GK5: variants seen among roughly 807,000 people sequenced by gnomAD.
GK5 encodes glycerol kinase 5.
Under a neutral mutation model 77.3 loss-of-function variants are expected in GK5, and 39 were observed. That is an observed-to-expected ratio of 0.50 (90% CI 0.39 to 0.66). The LOEUF (loss-of-function observed/expected upper bound fraction) is 0.66. Among genes scored for constraint, GK5 ranks in the 30% least tolerant of loss-of-function variants. GK5 has a pLI of 0.00. For synonymous variants in GK5, 211 were observed against 208.0 expected (o/e 1.01, Z -0.13); for missense variants, 487 against 633.8 (o/e 0.77, Z 2.49).
intron 15 of GK5, among the ~76,000 whole-genome samples, chr3:142,166,612 CA>C (rs1457348955): frequency 6.6e-6 from 1 of 151,892 alleles, no homozygotes; most frequent in African/African-American, 2.4e-5. Context: ...CAGCTCACTG[CA>C]ACCTCCACCT....
chr3:142,183,578 C>G (rs2107775455), intron 9 of GK5: 1 of 152,690 alleles, frequency 6.5e-6, no homozygotes, highest in South Asian at 2.1e-4. Flanking sequence ...TCATGCCATT[C>G]TCCTGCCTCA....
chr3:142,182,952 G>A lies in GK5; in HGVS notation c.914C>T (p.Thr305Ile), dbSNP rs767700276. Residue 305 changes from threonine to isoleucine, a missense_variant, in exon 10 of 16, where the codon ACT becomes ATT. Physicochemically the swap from Thr to Ile is moderately conservative, Grantham distance 89. Around this residue, in one of 4 missense-constraint regions of GK5, gnomAD observed 323 missense variants for 437.4 expected, o/e 0.74. Transcript: ENST00000392993. ...AGTAGTCTGTTGAAGGCTATTTCCA[G>A]TGTTAATATCCAAAAATGTCCCAGT... ...MGTGTFLDIN[T>I]GNSLQQTTGG... 13 of 1,610,804 alleles carry A rather than the reference G, an allele frequency of 8.1e-6. No individual in the cohort carries two copies. Among genetic ancestry groups the A allele is most frequent in the African/African-American group, 2.7e-5 (2 of 74,840 alleles).
At chr3:142,182,520 T>C (rs2063711157) in intron 10 of GK5, among the ~76,000 whole-genome samples, 1 of 152,112 alleles carries the variant, frequency 6.6e-6, no homozygotes, top group Non-Finnish European at 1.5e-5. Context: ...CTAATTTTTT[T>C]GTATTTTTAG....
intron 2 of GK5, among the ~76,000 whole-genome samples, chr3:142,213,828 T>A (rs1046215015): frequency 1.3e-5 from 2 of 152,180 alleles, no homozygotes; most frequent in African/African-American, 2.4e-5. Flanking sequence ...TTTGTTTTTG[T>A]GTTTTTTGTT....
intron 15 of GK5, among the ~76,000 whole-genome samples, chr3:142,166,920 GTCTA>G (rs2063478716): frequency 6.6e-6 from 1 of 152,098 alleles, no homozygotes; most frequent in Non-Finnish European, 1.5e-5. Context: ...CTACTGAGAG[GTCTA>G]TCACACCTCT....
intron 6 of GK5, 117 bp from the exon 7 acceptor site, chr3:142,186,630 C>CTTTTTCTTTTTCT: frequency 3.8e-6 from 1 of 262,060 alleles, no homozygotes; most frequent in Non-Finnish European, 7.1e-6. Context: ...TGTGTATTTT[C>CTTTTTCTTTTTCT]TTTTTTTTTT....
intron 2 of GK5, among the ~76,000 whole-genome samples, chr3:142,215,121 A>C (rs956463345): frequency 1.3e-5 from 2 of 152,218 alleles, no homozygotes; most frequent in African/African-American, 4.8e-5. Flanking sequence ...ATGTTTAAGA[A>C]TGTTTCTAAC....
At position 142,165,721 on chromosome 3, in the gene GK5, C is replaced by G; in HGVS notation, c.1491G>C (p.Val497=). ...EELKKLRQSE[V]VFKPQKKCQE... ...GACATTTCTTCTGTGGCTTGAAAAC[C>G]ACTTCACTTTGTCTCAGTTTCTTTA... Residue 497 remains valine (V), a synonymous_variant, in exon 16 of 16, where the codon GTG becomes GTC. Transcript: ENST00000392993. 1 of 1,612,804 alleles carries G rather than the reference C, an allele frequency of 6.2e-7. No homozygotes were observed. Among genetic ancestry groups the G allele is most frequent in the Non-Finnish European group, 8.5e-7 (1 of 1,179,258 alleles).
intron 9 of GK5, chr3:142,185,182 G>T: frequency 1.2e-6 from 1 of 860,550 alleles, no homozygotes; most frequent in Non-Finnish European, 1.4e-6. Context: ...GGAGGCAAAG[G>T]TGGCAGAAGG....
intron 10 of GK5, 47 bp from the exon 11 acceptor site, chr3:142,181,612 A>G (rs1252898793): frequency 4.0e-6 from 5 of 1,258,178 alleles, no homozygotes; most frequent in Non-Finnish European, 5.8e-6. Context: ...TGCATAATTC[A>G]TTATAGAGAC....
Position 142,160,089 on chromosome 3 carries a change from CCA to C in GK5, c.*5531_*5532del, listed in dbSNP as rs2108774987. ...TCTTGAACTCCTGACCTCAGGTGATCCACCCGCCTTGGCCTCCCAAAGTGCTG... is the reference window on the plus strand; with the variant it reads ...TCTTGAACTCCTGACCTCAGGTGATCCCCGCCTTGGCCTCCCAAAGTGCTG... On this transcript the variant is annotated 3_prime_UTR_variant, in exon 16 of 16. Transcript: ENST00000392993. 1.3e-5 allele frequency: 2 copies of C among 152,424 alleles called. No individual in the cohort carries two copies. Among genetic ancestry groups the C allele is most frequent in the South Asian group, 4.1e-4 (2 of 4,822 alleles). 9.4% of individuals were successfully genotyped at this position (152,424 alleles called of 1,614,324 possible).
intron 11 of GK5, among the ~76,000 whole-genome samples, 158 bp downstream of exon 11, chr3:142,181,303 C>T (rs923980366): frequency 9.2e-5 from 14 of 152,172 alleles, no homozygotes; most frequent in African/African-American, 1.2e-4. Flanking sequence ...TTTACCATTT[C>T]GATATCATAA....
chr3:142,180,447 C>T (rs1394584260), intron 11 of GK5, among the ~76,000 whole-genome samples: 3 of 152,012 alleles, frequency 2.0e-5, no homozygotes, highest in Admixed American at 1.3e-4. Flanking sequence ...GGATTACAGG[C>T]GCACACCACC....
chr3:142,180,614 CTT>C (rs1219785165), intron 11 of GK5, among the ~76,000 whole-genome samples: 1 of 152,112 alleles, frequency 6.6e-6, no homozygotes, highest in African/African-American at 2.4e-5. Context: ...CTTTCTCTTT[CTT>C]TGTTTCCTTT....
chr3:142,194,066 C>G (rs554648070), intron 5 of GK5, among the ~76,000 whole-genome samples: 2 of 152,040 alleles, frequency 1.3e-5, no homozygotes, highest in South Asian at 2.1e-4. Context: ...ATTTCACTTT[C>G]TAGTGTTCAT....
intron 11 of GK5, among the ~76,000 whole-genome samples, chr3:142,180,453 C>T (rs924046803): frequency 1.3e-5 from 2 of 152,050 alleles, no homozygotes; most frequent in African/African-American, 4.8e-5. Context: ...CAGGCGCACA[C>T]CACCATGCCC....
At chr3:142,188,789 T>C (rs2063809743) in intron 5 of GK5, among the ~76,000 whole-genome samples, 1 of 152,204 alleles carries the variant, frequency 6.6e-6, no homozygotes, top group South Asian at 2.1e-4. Flanking sequence ...AGAGTGGTTG[T>C]GACAAAAAGC....
At chr3:142,205,694 C>T (rs576453572) in intron 3 of GK5, among the ~76,000 whole-genome samples, 8 of 152,246 alleles carry the variant, frequency 5.3e-5, no homozygotes, top group African/African-American at 1.9e-4. Flanking sequence ...TGGTCTATTA[C>T]TTTAATAGCT....
chr3:142,207,045 C>T (rs1228438538), intron 3 of GK5, among the ~76,000 whole-genome samples: 1 of 152,142 alleles, frequency 6.6e-6, no homozygotes, highest in Non-Finnish European at 1.5e-5. Context: ...AAAGACAATG[C>T]CAGGTTGGAC....
Sources: gnomAD v4.1 joint callset for allele counts (sites outside exome capture counted in the v4.1 genomes callset) on GRCh38, gnomAD v4.1.1 for gene constraint, gnomAD v4.1.1 regional missense constraint, MANE v1.5 for transcripts, NCBI Gene and HGNC (gene_info 2026-07-23, HGNC 2026-07-21) for gene names.